The following CYFIP2 variants were observed in gnomAD, a reference collection of about 807,000 sequenced individuals.
CYFIP2 encodes the protein cytoplasmic FMR1-interacting protein 2.
A neutral mutation model predicts 158.7 loss-of-function variants in CYFIP2; 29 were observed. That is an observed-to-expected ratio of 0.18 (90% CI 0.14 to 0.25). The LOEUF (loss-of-function observed/expected upper bound fraction) is 0.25, where lower values mean the gene tolerates loss of function less well. CYFIP2 is among the 10% of genes least tolerant of loss of function. CYFIP2 has a pLI of 1.00. For missense variants in CYFIP2, 852 were observed against 1,639.5 expected (o/e 0.52, Z 8.29); for synonymous variants, 585 against 617.6 (o/e 0.95, Z 0.78).
intron 1 of CYFIP2, chr5:157,267,011 C>G (rs1406495835): frequency 6.5e-6 from 1 of 152,790 alleles, no homozygotes; most frequent in Non-Finnish European, 1.5e-5. Context: ...AGGAGGTGCT[C>G]TCTGCTTGGG....
intron 1 of CYFIP2, among the ~76,000 whole-genome samples, chr5:157,268,225 G>A (rs542885139): frequency 6.6e-6 from 1 of 152,336 alleles, no homozygotes; most frequent in Admixed American, 6.5e-5. Context: ...GGCCAGTTCT[G>A]ACCGGTTCTG....
intron 3 of CYFIP2, among the ~76,000 whole-genome samples, chr5:157,291,826 T>C (rs1331495732): frequency 6.6e-6 from 1 of 152,268 alleles, no homozygotes; most frequent in Non-Finnish European, 1.5e-5. Flanking sequence ...TGGTGGTATG[T>C]GGATTTAAAA....
chr5:157,324,091 C>G lies in CYFIP2; in HGVS notation c.1825+17C>G. The G allele has an allele frequency of 6.2e-7, 1 of 1,602,430 alleles. No homozygotes were observed. Among genetic ancestry groups the G allele is most frequent in the Non-Finnish European group, 8.5e-7 (1 of 1,173,152 alleles). On this transcript the variant is annotated intron_variant, in intron 16 of 30. Coordinates refer to ENST00000620254, the MANE Select transcript of CYFIP2 (RefSeq NM_001037333.3). ...ACATCAGTGGTGAGCTGCATCCCAT[C>G]CCTGCTAAGGCATGGGAGGAGGGGA...
Position 157,340,577 on chromosome 5 carries a change from T to G in CYFIP2, c.2586-493T>G, listed in dbSNP as rs542685656. Among the ~76,000 whole-genome samples, 327 of 152,388 alleles carry G rather than the reference T, an allele frequency of 2.1e-3. 1 individual carries two copies. The highest frequency in any genetic ancestry group is 7.2e-3 in the African/African-American group (300 of 41,592). ...ACAAGTGAAAATGATTTGTATTTGATAAAGTTTTATTGGAACTCGATCATG... is the reference window on the plus strand; with the variant it reads ...ACAAGTGAAAATGATTTGTATTTGAGAAAGTTTTATTGGAACTCGATCATG... On this transcript the variant is annotated intron_variant, in intron 22 of 30. Coordinates refer to ENST00000620254, the MANE Select transcript of CYFIP2 (RefSeq NM_001037333.3).
chr5:157,269,574 T>C (rs1410620388), intron 1 of CYFIP2: 2 of 152,090 alleles, frequency 1.3e-5, no homozygotes, highest in Non-Finnish European at 2.9e-5. Context: ...CATGAAAGCC[T>C]GCGGATGAGG....
At chr5:157,295,582 T>C (rs996373366) in intron 4 of CYFIP2, among the ~76,000 whole-genome samples, 1 of 152,158 alleles carries the variant, frequency 6.6e-6, no homozygotes, top group African/African-American at 2.4e-5. Context: ...ACATGCTGTT[T>C]TGTTTCACTT....
intron 3 of CYFIP2, among the ~76,000 whole-genome samples, chr5:157,287,682 A>T (rs562935366): frequency 8.5e-5 from 13 of 152,194 alleles, no homozygotes; most frequent in African/African-American, 2.6e-4. Context: ...ATGTTCATAG[A>T]CCCTGCCTGT....
chr5:157,282,911 C>T (rs1340831936), intron 1 of CYFIP2, among the ~76,000 whole-genome samples: 1 of 152,228 alleles, frequency 6.6e-6, no homozygotes, highest in African/African-American at 2.4e-5. Flanking sequence ...GGAACCCAGG[C>T]ATTGTGTTAT....
intron 11 of CYFIP2, among the ~76,000 whole-genome samples, chr5:157,312,451 T>G (rs1369492931): frequency 6.6e-6 from 1 of 152,036 alleles, no homozygotes; most frequent in Non-Finnish European, 1.5e-5. Flanking sequence ...GGTATTTGGA[T>G]ATATATATAT....
At chr5:157,309,072 T>A (rs190153326) in intron 9 of CYFIP2, among the ~76,000 whole-genome samples, 1 of 152,240 alleles carries the variant, frequency 6.6e-6, no homozygotes, top group African/African-American at 2.4e-5. Flanking sequence ...CTAGCTGGTC[T>A]GACTTTATGA....
In CYFIP2 at chr5:157,395,357, C is replaced by T. The variant is rs879233229; in HGVS notation, c.*2357C>T. ...AAAAAGTTTTAAAAATAATCTGTTT[C>T]AGAAACTGTCAAATGTACCATATTT... On this transcript the variant is annotated 3_prime_UTR_variant, in exon 31 of 31. Transcript: ENST00000620254. The T allele has an allele frequency of 3.2e-6, 1 of 309,594 alleles. No homozygotes were observed. Among genetic ancestry groups the T allele is most frequent in the South Asian group, 2.8e-5 (1 of 36,236 alleles). 19.2% of individuals were successfully genotyped at this position (309,594 alleles called of 1,614,324 possible).
At position 157,389,522 on chromosome 5, in the gene CYFIP2, G is replaced by C. The variant is rs374710097; in HGVS notation, c.3446+95G>C. 3.5e-5 allele frequency: 41 copies of C among 1,173,596 alleles called. No homozygotes were observed. The East Asian group carries it at 6.2e-4, about 18-fold the overall frequency. The allele number at this position is 1,173,596 out of a possible 1,614,324, so 72.7% of individuals were successfully genotyped here. ...AGAGTTCAGCCAGAAACGTGGGCAGGGGGTGGGGGTGGTTGGCCAACAACT... is the reference window on the plus strand; with the variant it reads ...AGAGTTCAGCCAGAAACGTGGGCAGCGGGTGGGGGTGGTTGGCCAACAACT... On this transcript the variant is annotated intron_variant, in intron 29 of 30. Transcript: ENST00000620254.
At chr5:157,306,641 G>A (rs2113907926) in intron 8 of CYFIP2, among the ~76,000 whole-genome samples, 1 of 152,288 alleles carries the variant, frequency 6.6e-6, no homozygotes, top group Admixed American at 6.5e-5. Context: ...AGCGCTTTGG[G>A]AGGCCAAGGC....
intron 26 of CYFIP2, among the ~76,000 whole-genome samples, chr5:157,370,354 T>C (rs762156024): frequency 6.6e-6 from 1 of 152,218 alleles, no homozygotes; most frequent in Non-Finnish European, 1.5e-5. Context: ...ACATAATCTT[T>C]TTACTGAAAC....
At chr5:157,339,947 T>A (rs1762127579) in intron 22 of CYFIP2, among the ~76,000 whole-genome samples, 1 of 152,188 alleles carries the variant, frequency 6.6e-6, no homozygotes, top group Non-Finnish European at 1.5e-5. Flanking sequence ...GGATCGTGCA[T>A]TTTTATTAAC....
Position 157,328,017 on chromosome 5 carries a change from G to A in CYFIP2, c.2124G>A (p.Gln708=). 6.2e-7 allele frequency: 1 copy of A among 1,613,972 alleles called. No homozygotes were observed. The highest frequency in any genetic ancestry group is 1.3e-5 in the African/African-American group (1 of 75,050). ...AGTTTGTCTACAAGCTGGCAGACCA[G>A]ATCTTTGCTTACTACAAAGCCATGG... ...FDQFVYKLAD[Q]IFAYYKAMAG... The change falls in exon 19 of 31, where the codon CAG becomes CAA. Residue 708 remains glutamine, a synonymous_variant. Transcript: ENST00000620254.
At chr5:157,294,663 CA>C in intron 3 of CYFIP2, 119 bp from the exon 4 acceptor site, 1 of 673,162 alleles carries the variant, frequency 1.5e-6, no homozygotes, top group South Asian at 2.1e-5. Flanking sequence ...GTAAGGTCCC[CA>C]AGTGATGTCC....
Position 157,285,407 on chromosome 5 carries a change from C to T in CYFIP2, c.46C>T (p.Leu16=). Residue 16 remains leucine (L), a synonymous_variant, in exon 2 of 31, where the codon CTG becomes TTG. Coordinates refer to ENST00000620254, the MANE Select transcript of CYFIP2 (RefSeq NM_001037333.3). ...TLEDALSNVD[L]LEELPLPDQQ... is the part of the protein sequence containing the mutation. ...GGAAGATGCCCTGTCCAACGTGGACCTGCTTGAAGAGCTTCCCCTCCCCGA... is the reference window on the plus strand; with the variant it reads ...GGAAGATGCCCTGTCCAACGTGGACTTGCTTGAAGAGCTTCCCCTCCCCGA... 1 of 1,580,982 alleles carries T rather than the reference C, an allele frequency of 6.3e-7. No individual in the cohort carries two copies. Among genetic ancestry groups the T allele is most frequent in the Non-Finnish European group, 8.6e-7 (1 of 1,163,810 alleles).
intron 3 of CYFIP2, 75 bp downstream of exon 3, chr5:157,287,183 C>A: frequency 8.5e-7 from 1 of 1,175,428 alleles, no homozygotes; most frequent in Non-Finnish European, 1.3e-6. Context: ...CTTCTCACAC[C>A]AGAGGCATGT....
Sources: gnomAD v4.1 joint callset for allele counts (sites outside exome capture counted in the v4.1 genomes callset) on GRCh38, gnomAD v4.1.1 for gene constraint, MANE v1.5 for transcripts, NCBI Gene and HGNC (gene_info 2026-07-23, HGNC 2026-07-21) for gene names.